NAALADL2: variants seen among roughly 807,000 people sequenced by gnomAD.
NAALADL2 encodes the protein inactive N-acetylated-alpha-linked acidic dipeptidase-like protein 2.
Under a neutral mutation model 87.2 loss-of-function variants are expected in NAALADL2, and 76 were observed. The observed-to-expected ratio is 0.87, with a 90% CI of 0.72 to 1.05. The LOEUF (loss-of-function observed/expected upper bound fraction) is 1.05, where lower values mean the gene tolerates loss of function less well. Among genes scored for constraint, NAALADL2 ranks in the 50% least tolerant of loss-of-function variants. The probability of loss-of-function intolerance (pLI) is 0.00; values close to 1 mark genes in which losing one functional copy is unlikely to be tolerated. For missense variants in NAALADL2, 1,089 were observed against 945.8 expected (o/e 1.15, Z -1.99); for synonymous variants, 354 against 331.0 (o/e 1.07, Z -0.75).
At chr3:175,006,060 A>C (rs894200277) in intron 1 of NAALADL2, among the ~76,000 whole-genome samples, 1 of 152,206 alleles carries the variant, frequency 6.6e-6, no homozygotes, top group Non-Finnish European at 1.5e-5. Context: ...TCTGTGCTTC[A>C]AGCTTGCCAG....
At chr3:174,686,913 A>G (rs1728096502) in intron 2 of NAALADL2, among the ~76,000 whole-genome samples, 1 of 152,124 alleles carries the variant, frequency 6.6e-6, no homozygotes, top group Admixed American at 6.6e-5. Context: ...GATGAAGACA[A>G]CAAAAGCAAT....
At chr3:174,613,828 A>C (rs893642555) in intron 2 of NAALADL2, among the ~76,000 whole-genome samples, 2 of 152,216 alleles carry the variant, frequency 1.3e-5, no homozygotes, top group Non-Finnish European at 2.9e-5. Flanking sequence ...TACTTACCCA[A>C]GACCCACATC....
At chr3:174,753,304 G>A (rs1177060797) in intron 3 of NAALADL2, among the ~76,000 whole-genome samples, 1 of 152,264 alleles carries the variant, frequency 6.6e-6, no homozygotes, top group East Asian at 1.9e-4. Flanking sequence ...TCAATCCTCT[G>A]ACCTCAGTTG....
intron 1 of NAALADL2, among the ~76,000 whole-genome samples, chr3:174,536,329 A>C (rs186478379): frequency 6.6e-6 from 1 of 152,258 alleles, no homozygotes; most frequent in African/African-American, 2.4e-5. Context: ...TTTTTCATAG[A>C]GATAACATTT....
intron 3 of NAALADL2, among the ~76,000 whole-genome samples, chr3:175,236,145 A>G (rs1013312040): frequency 1.3e-5 from 2 of 151,814 alleles, no homozygotes; most frequent in African/African-American, 4.8e-5. Context: ...AATTTCTATG[A>G]CTCCTTTATA....
intron 1 of NAALADL2, among the ~76,000 whole-genome samples, chr3:174,532,364 TC>T (rs1721325396): frequency 6.6e-6 from 1 of 152,142 alleles, no homozygotes; most frequent in African/African-American, 2.4e-5. Flanking sequence ...CCATGAGATT[TC>T]TAGCTCTGCC....
intron 11 of NAALADL2, among the ~76,000 whole-genome samples, chr3:175,679,416 GATAA>G (rs895275970): frequency 2.6e-5 from 4 of 152,124 alleles, no homozygotes; most frequent in African/African-American, 4.8e-5. Flanking sequence ...GCTAATGGCT[GATAA>G]ATGAATGATT....
intron 13 of NAALADL2, among the ~76,000 whole-genome samples, chr3:175,795,211 G>A (rs895755440): frequency 6.6e-6 from 1 of 152,230 alleles, no homozygotes; most frequent in African/African-American, 2.4e-5. Flanking sequence ...TTTGGTTTCT[G>A]TTTTATGTGA....
intron 1 of NAALADL2, among the ~76,000 whole-genome samples, chr3:174,927,992 C>T (rs1027362065): frequency 6.6e-6 from 1 of 152,082 alleles, no homozygotes; most frequent in East Asian, 1.9e-4. Context: ...AAATTAAAGA[C>T]AGATAACTAT....
At chr3:175,380,913 A>G (rs1445169789) in intron 5 of NAALADL2, among the ~76,000 whole-genome samples, 1 of 152,008 alleles carries the variant, frequency 6.6e-6, no homozygotes, top group Non-Finnish European at 1.5e-5. Flanking sequence ...AATTTTCAAC[A>G]TCTTTTATCT....
chr3:174,977,179 C>T (rs1744468463), intron 1 of NAALADL2, among the ~76,000 whole-genome samples: 1 of 152,098 alleles, frequency 6.6e-6, no homozygotes, highest in African/African-American at 2.4e-5. Context: ...CTGTGAAATC[C>T]AAAAATGTTG....
chr3:175,311,535 A>G (rs1758360669), intron 4 of NAALADL2, among the ~76,000 whole-genome samples: 1 of 152,068 alleles, frequency 6.6e-6, no homozygotes, highest in South Asian at 2.1e-4. Context: ...ACAATGGGAA[A>G]TTAGTTTAAG....
chr3:175,482,205 C>T (rs1275927113), intron 9 of NAALADL2, among the ~76,000 whole-genome samples: 3 of 151,950 alleles, frequency 2.0e-5, no homozygotes, highest in Non-Finnish European at 4.4e-5. Context: ...GATTCTAAGT[C>T]TGCTAAAATT....
At chr3:175,147,843 G>C (rs11714351) in intron 2 of NAALADL2, among the ~76,000 whole-genome samples, 45,619 of 151,780 alleles carry the variant, frequency 0.3, 7,077 homozygotes, top group South Asian at 0.35. Context: ...GTCAAGGCAG[G>C]TGGAAAGCCT....
At chr3:175,033,404 T>G (rs1753012150) in intron 1 of NAALADL2, among the ~76,000 whole-genome samples, 1 of 152,116 alleles carries the variant, frequency 6.6e-6, no homozygotes, top group Admixed American at 6.6e-5. Context: ...TATTTACTAT[T>G]CTGTTTTTTG....
chr3:174,850,320 T>C (rs1725108666), intron 3 of NAALADL2, among the ~76,000 whole-genome samples: 1 of 152,100 alleles, frequency 6.6e-6, no homozygotes, highest in African/African-American at 2.4e-5. Flanking sequence ...TGCTTTTAGA[T>C]TAAGTATCCT....
intron 5 of NAALADL2, among the ~76,000 whole-genome samples, chr3:175,439,734 T>C (rs1719403091): frequency 6.8e-6 from 1 of 147,222 alleles, no homozygotes. Flanking sequence ...TTTTTTTCTT[T>C]TTTTTCTTTT....
chr3:174,514,662 T>C (rs1344919886), intron 1 of NAALADL2, among the ~76,000 whole-genome samples: 5 of 152,266 alleles, frequency 3.3e-5, no homozygotes, highest in Admixed American at 3.3e-4. Flanking sequence ...CATAGGAGTA[T>C]ATTTGCTTTT....
chr3:175,423,417 TC>T (rs1468749971), intron 5 of NAALADL2, among the ~76,000 whole-genome samples: 1 of 70,718 alleles, frequency 1.4e-5, no homozygotes, highest in Non-Finnish European at 2.8e-5. Context: ...CCCTCCCCCC[TC>T]CCCCCATCCC....
Sources: allele counts gnomAD v4.1 joint callset (sites outside exome capture counted in the v4.1 genomes callset), GRCh38; gene constraint gnomAD v4.1.1; transcripts MANE v1.5; gene names NCBI Gene and HGNC (gene_info 2026-07-23, HGNC 2026-07-21).